The following PPA1 variants were observed in gnomAD, a reference collection of about 807,000 sequenced individuals.
The protein encoded by PPA1 is inorganic pyrophosphatase 1.
PPA1 carries 23 observed loss-of-function variants against 41.8 expected under a neutral mutation model. The observed-to-expected ratio is 0.55, with a 90% CI of 0.40 to 0.78. The LOEUF (loss-of-function observed/expected upper bound fraction) is 0.78. PPA1 is among the 30% of genes least tolerant of loss of function. The pLI is 0.00. For missense variants in PPA1, 320 were observed against 361.6 expected (o/e 0.89, Z 0.93); for synonymous variants, 101 against 116.8 (o/e 0.86, Z 0.87).
chr10:70,217,991 G>A, intron 3 of PPA1, 60 bp from the exon 4 acceptor site: 12 of 1,372,606 alleles, frequency 8.7e-6, no homozygotes, highest in Non-Finnish European at 1.2e-5. Flanking sequence ...TTCAAATAAG[G>A]ATCTGAGGAA....
intron 8 of PPA1, among the ~76,000 whole-genome samples, chr10:70,207,170 A>T (rs1839955179): frequency 6.6e-6 from 1 of 152,118 alleles, no homozygotes; most frequent in Admixed American, 6.5e-5. Flanking sequence ...TAAGAACCCA[A>T]TCCAATACTG....
intron 6 of PPA1, among the ~76,000 whole-genome samples, chr10:70,210,713 C>A (rs1451280666): frequency 6.6e-6 from 1 of 151,834 alleles, no homozygotes. Flanking sequence ...GAAATACATT[C>A]AACAATAACA....
Position 70,202,962 on chromosome 10 carries a change from G to A in PPA1, c.*193C>T, listed in dbSNP as rs560276258. ...TTTGATATTTAAGCATGTGCTAAAA[G>A]TTATCTTAGTTGAGATATGAAAAAT... On this transcript the variant is annotated 3_prime_UTR_variant, in exon 11 of 11. Coordinates refer to ENST00000373232, the MANE Select transcript of PPA1 (RefSeq NM_021129.4). 4.9e-6 allele frequency: 3 copies of A among 616,218 alleles called. No individual in the cohort carries two copies. Among genetic ancestry groups the A allele is most frequent in the Non-Finnish European group, 8.5e-6 (3 of 354,644 alleles). The allele number at this position is 616,218 out of a possible 1,614,324, so 38.2% of individuals were successfully genotyped here.
intron 4 of PPA1, among the ~76,000 whole-genome samples, chr10:70,216,580 G>T (rs1052955333): frequency 8.5e-5 from 13 of 152,096 alleles, no homozygotes; most frequent in Non-Finnish European, 1.9e-4. Flanking sequence ...AGCTAGATGG[G>T]TCAGACCTAT....
At chr10:70,210,517 CAATA>C in intron 6 of PPA1, 2 of 1,084,220 alleles carry the variant, frequency 1.8e-6, no homozygotes, top group Non-Finnish European at 2.5e-6. Context: ...CTGTACATAA[CAATA>C]CTTTAGTTCT....
intron 2 of PPA1, among the ~76,000 whole-genome samples, chr10:70,219,408 T>C (rs1840110801): frequency 1.3e-5 from 2 of 152,194 alleles, no homozygotes; most frequent in Admixed American, 1.3e-4. Context: ...CAAAATGTTT[T>C]TGGAGCTTCT....
At chr10:70,225,696 T>A (rs1840222828) in intron 2 of PPA1, among the ~76,000 whole-genome samples, 1 of 151,126 alleles carries the variant, frequency 6.6e-6, no homozygotes. Context: ...GAGTATAAAA[T>A]CCCTATCAGA....
intron 4 of PPA1, among the ~76,000 whole-genome samples, chr10:70,216,364 G>A (rs1269000850): frequency 1.3e-5 from 2 of 151,976 alleles, no homozygotes; most frequent in South Asian, 2.1e-4. Context: ...GTAGGCGCCT[G>A]TAATCCCAGC....
intron 2 of PPA1, among the ~76,000 whole-genome samples, chr10:70,223,732 T>C (rs1278707678): frequency 6.6e-6 from 1 of 152,252 alleles, no homozygotes; most frequent in African/African-American, 2.4e-5. Context: ...TTATGCATTC[T>C]AATGATTCCA....
At chr10:70,221,239 A>T (rs1840165672) in intron 2 of PPA1, among the ~76,000 whole-genome samples, 1 of 149,784 alleles carries the variant, frequency 6.7e-6, no homozygotes, top group South Asian at 2.1e-4. Flanking sequence ...CTGATAAGCC[A>T]CAAGGGAATA....
At chr10:70,222,640 G>A (rs1372995727) in intron 2 of PPA1, among the ~76,000 whole-genome samples, 1 of 152,066 alleles carries the variant, frequency 6.6e-6, no homozygotes, top group East Asian at 1.9e-4. Context: ...ACAGCTTGGG[G>A]TGAGTGACTC....
intron 9 of PPA1, 189 bp from the exon 10 acceptor site, chr10:70,205,104 G>A (rs543463828): frequency 5.9e-6 from 3 of 512,294 alleles, no homozygotes; most frequent in South Asian, 2.8e-5. Context: ...CAAGCCTCTT[G>A]GACAGTGCAG....
chr10:70,207,050 C>T (rs565363377), intron 8 of PPA1, among the ~76,000 whole-genome samples: 11 of 151,918 alleles, frequency 7.2e-5, no homozygotes, highest in African/African-American at 2.4e-4. Context: ...ACATCTGAAA[C>T]AGACACTTCT....
intron 2 of PPA1, among the ~76,000 whole-genome samples, chr10:70,227,256 C>A (rs189480432): frequency 1.3e-5 from 2 of 152,294 alleles, no homozygotes; most frequent in African/African-American, 4.8e-5. Flanking sequence ...CCACTGGATT[C>A]GGAAATAATC....
chr10:70,232,465 G>A (rs958856929), intron 1 of PPA1, among the ~76,000 whole-genome samples: 1 of 152,232 alleles, frequency 6.6e-6, no homozygotes, highest in African/African-American at 2.4e-5. Context: ...CCTAAGGAGC[G>A]TGGAGGGCGC....
chr10:70,233,389 G>C lies in PPA1; in HGVS notation c.-62C>G. 5 of 1,521,168 alleles carry C rather than the reference G, an allele frequency of 3.3e-6. No individual in the cohort carries two copies. The East Asian group carries it at 1.0e-4, about 31-fold the overall frequency. 94.2% of individuals were successfully genotyped at this position (1,521,168 alleles called of 1,614,324 possible). A position where few individuals can be genotyped will look rare whatever the true frequency, so the allele number is the denominator to read the frequency against. ...CACCAGCCCGCACGCGGCGCCGACT[G>C]ACAAGGAGAGAGCCCCACGCCTGCG... On this transcript the variant is annotated 5_prime_UTR_variant, in exon 1 of 11. Transcript: ENST00000373232.
In PPA1 at chr10:70,233,261, C is replaced by T; in HGVS notation, c.64+3G>A. The T allele has an allele frequency of 3.9e-6, 6 of 1,540,066 alleles. No homozygotes were observed. The highest frequency in any genetic ancestry group is 5.2e-6 in the Non-Finnish European group (6 of 1,143,442). ...GGAGGGGCCACGGGCCGCAGACACT[C>T]ACTGAGGAAGACTCGGTACTCCAGG... On this transcript the variant is annotated splice_donor_region_variant and intron_variant, in intron 1 of 10. Coordinates refer to ENST00000373232, the MANE Select transcript of PPA1 (RefSeq NM_021129.4).
chr10:70,205,803 A>T (rs2136750542), intron 9 of PPA1: 1 of 152,860 alleles, frequency 6.5e-6, no homozygotes, highest in South Asian at 2.1e-4. Flanking sequence ...AATAGTACAA[A>T]AACAAAATTA....
intron 10 of PPA1, chr10:70,204,094 TTTGGGAGGACAAGGTAGG>T (rs1220854355): frequency 1.3e-5 from 2 of 152,420 alleles, no homozygotes; most frequent in Admixed American, 6.5e-5. Flanking sequence ...ATCCTAGCAC[TTTGGGAGGACAAGGTAGG>T]TGGATCGCCA....
Sources: allele counts gnomAD v4.1 joint callset (sites outside exome capture counted in the v4.1 genomes callset), GRCh38; gene constraint gnomAD v4.1.1; transcripts MANE v1.5; gene names NCBI Gene and HGNC (gene_info 2026-07-23, HGNC 2026-07-21).